Variants in KLF13 observed in about 807,000 individuals in gnomAD.
The protein encoded by KLF13 is Krueppel-like factor 13.
Under a neutral mutation model 16.7 loss-of-function variants are expected in KLF13, and 8 were observed. That is an observed-to-expected ratio of 0.48 (90% confidence interval 0.28 to 0.87). The LOEUF (loss-of-function observed/expected upper bound fraction) is 0.87. KLF13 is among the 40% of genes least tolerant of loss of function. The pLI, the probability that KLF13 is intolerant of heterozygous loss-of-function variation, is 0.10. For missense variants in KLF13, 447 were observed against 452.2 expected (o/e 0.99, Z 0.10); for synonymous variants, 245 against 208.4 (o/e 1.18, Z -1.51).
chr15:31,430,124 A>C (rs1206346702), intron 1 of KLF13, among the ~76,000 whole-genome samples: 1 of 152,176 alleles, frequency 6.6e-6, no homozygotes, highest in Non-Finnish European at 1.5e-5. Context: ...ACTAATGATA[A>C]AGGAGACATT....
At chr15:31,371,423 T>C (rs1194092778) in intron 1 of KLF13, among the ~76,000 whole-genome samples, 1 of 152,244 alleles carries the variant, frequency 6.6e-6, no homozygotes. Flanking sequence ...GGTTGGTCAC[T>C]TTGGGACTTT....
At chr15:31,350,253 T>C (rs1396557403) in intron 1 of KLF13, among the ~76,000 whole-genome samples, 4 of 152,050 alleles carry the variant, frequency 2.6e-5, no homozygotes, top group Non-Finnish European at 5.9e-5. Flanking sequence ...GGATGAAGCT[T>C]TGGGATTGGG....
At chr15:31,408,975 AC>A, downstream of KLF13, among the ~76,000 whole-genome samples, 1 of 152,296 alleles carries the variant, frequency 6.6e-6, no homozygotes, top group Middle Eastern at 3.4e-3. Flanking sequence ...AAAACAAAGA[AC>A]AACAAACAGT....
At chr15:31,338,687 C>G (rs1183632023) in intron 1 of KLF13, among the ~76,000 whole-genome samples, 1 of 152,116 alleles carries the variant, frequency 6.6e-6, no homozygotes, top group Non-Finnish European at 1.5e-5. Flanking sequence ...TTGGGCCATT[C>G]TGCCCCCTGG....
chr15:31,327,879 A>T, intron 1 of KLF13, 90 bp downstream of exon 1: 2 of 1,168,228 alleles, frequency 1.7e-6, no homozygotes, highest in Non-Finnish European at 2.1e-6. Context: ...ATGGGGCGCG[A>T]GGTGGGGGCC....
intron 1 of KLF13, among the ~76,000 whole-genome samples, chr15:31,332,541 G>A (rs1262756225): frequency 6.6e-6 from 1 of 152,222 alleles, no homozygotes; most frequent in Non-Finnish European, 1.5e-5. Context: ...GCTGGAAGCT[G>A]TGCTGCCTGA....
At chr15:31,402,999 C>A (rs558523571) in intron 2 of KLF13, among the ~76,000 whole-genome samples, 1 of 152,052 alleles carries the variant, frequency 6.6e-6, no homozygotes, top group South Asian at 2.1e-4. Flanking sequence ...TCCCTTGGGG[C>A]CCAGCAGGAA....
chr15:31,335,808 C>G (rs1051814275), intron 1 of KLF13, among the ~76,000 whole-genome samples: 1 of 152,164 alleles, frequency 6.6e-6, no homozygotes, highest in African/African-American at 2.4e-5. Context: ...ATGGGTGACC[C>G]TGGGTCCCCA....
chr15:31,421,318 T>TA (rs575607314), intron 1 of KLF13, among the ~76,000 whole-genome samples: 76 of 152,096 alleles, frequency 5.0e-4, no homozygotes, highest in Non-Finnish European at 9.6e-4. Context: ...CACAACGGCG[T>TA]AAAAAATATA....
chr15:31,361,123 C>T (rs958128732), intron 1 of KLF13, among the ~76,000 whole-genome samples: 6 of 152,200 alleles, frequency 3.9e-5, no homozygotes, highest in Non-Finnish European at 8.8e-5. Context: ...CTGGGCAAGC[C>T]TGCCGTGAAA....
intron 1 of KLF13, among the ~76,000 whole-genome samples, chr15:31,331,141 A>G (rs2038824617): frequency 6.6e-6 from 1 of 152,236 alleles, no homozygotes; most frequent in Non-Finnish European, 1.5e-5. Flanking sequence ...ATTGTTTTCA[A>G]AACTGCTCTG....
At chr15:31,423,443 C>T (rs1191737785) in intron 1 of KLF13, among the ~76,000 whole-genome samples, 1 of 151,542 alleles carries the variant, frequency 6.6e-6, no homozygotes, top group African/African-American at 2.4e-5. Context: ...ACCAGGCTGG[C>T]CAATATGGTG....
chr15:31,355,969 T>G lies in KLF13; in HGVS notation c.578-16041T>G, dbSNP rs570850755. Among the ~76,000 whole-genome samples, 13 of 152,178 alleles carry G rather than the reference T, an allele frequency of 8.5e-5. No homozygotes were observed. The South Asian group carries it at 1.7e-3, about 19-fold the overall frequency. ...CTTCCTGGAGCCCCTGCCATCTGCT[T>G]CTTGGCAGAGCTCCTGCTGCATAGC... On this transcript the variant is annotated intron_variant, in intron 1 of 1. Coordinates refer to ENST00000307145, the MANE Select transcript of KLF13 (RefSeq NM_015995.4).
At chr15:31,433,540 G>A (rs1024770797) in intron 1 of KLF13, among the ~76,000 whole-genome samples, 8 of 152,138 alleles carry the variant, frequency 5.3e-5, no homozygotes, top group African/African-American at 1.9e-4. Flanking sequence ...TCTGCACCCT[G>A]TACATGCGAT....
intron 1 of KLF13, among the ~76,000 whole-genome samples, chr15:31,434,707 G>A (rs940301004): frequency 1.3e-5 from 2 of 152,208 alleles, no homozygotes; most frequent in Non-Finnish European, 2.9e-5. Flanking sequence ...GGAAAATACT[G>A]GGAAGCAGGC....
In KLF13 at chr15:31,327,174, C is replaced by T. The variant is rs2038724580; in HGVS notation, c.-39C>T. 1.6e-6 allele frequency: 2 copies of T among 1,277,926 alleles called. No individual in the cohort carries two copies. Among genetic ancestry groups the T allele is most frequent in the East Asian group, 7.0e-5 (2 of 28,632 alleles). The allele number at this position is 1,277,926 out of a possible 1,614,324, so 79.2% of individuals were successfully genotyped here. A position where few individuals can be genotyped will look rare whatever the true frequency, so the allele number is the denominator to read the frequency against. ...GTGGGTGCGGATGCGCGGCTGACGACTCGCAGCAAGAGCACCGCCGCCGGC... is the reference window on the plus strand; with the variant it reads ...GTGGGTGCGGATGCGCGGCTGACGATTCGCAGCAAGAGCACCGCCGCCGGC... On this transcript the variant is annotated 5_prime_UTR_variant, in exon 1 of 2. Coordinates refer to ENST00000307145, the MANE Select transcript of KLF13 (RefSeq NM_015995.4).
At chr15:31,345,703 G>C (rs2039103813) in intron 1 of KLF13, among the ~76,000 whole-genome samples, 1 of 152,220 alleles carries the variant, frequency 6.6e-6, no homozygotes, top group African/African-American at 2.4e-5. Flanking sequence ...CTGCCTGGCT[G>C]TTGTGGTTGT....
chr15:31,422,890 A>G (rs1158253939), intron 1 of KLF13, among the ~76,000 whole-genome samples: 1 of 151,708 alleles, frequency 6.6e-6, no homozygotes, highest in Non-Finnish European at 1.5e-5. Context: ...AAAAAAAATT[A>G]GCTGGGCTTG....
chr15:31,357,422 G>T (rs1042265284), intron 1 of KLF13, among the ~76,000 whole-genome samples: 1 of 152,238 alleles, frequency 6.6e-6, no homozygotes, highest in Non-Finnish European at 1.5e-5. Flanking sequence ...CTCGAGCTGC[G>T]TGGGGGCTTC....
Sources: gnomAD v4.1 joint callset for allele counts (sites outside exome capture counted in the v4.1 genomes callset) on GRCh38, gnomAD v4.1.1 for gene constraint, MANE v1.5 for transcripts, NCBI Gene and HGNC (gene_info 2026-07-23, HGNC 2026-07-21) for gene names.